The following RIC8B variants were observed in gnomAD, a reference collection of about 807,000 sequenced individuals.
RIC8B encodes the protein chaperone Ric-8B.
In RIC8B, 16 loss-of-function variants were observed where a neutral mutation model predicts 57.5. The observed-to-expected ratio is 0.28, with a 90% CI of 0.19 to 0.42. The LOEUF is 0.42. Among genes scored for constraint, RIC8B ranks in the 10% least tolerant of loss-of-function variants. The pLI is 1.00. For synonymous variants in RIC8B, 216 were observed against 250.8 expected, an observed-to-expected ratio of 0.86 and a Z score of 1.31; for missense variants, 481 against 677.0, an observed-to-expected ratio of 0.71 and a Z score of 3.21.
chr12:106,784,081 G>C, intron 2 of RIC8B, 37 bp downstream of exon 2: 3 of 1,565,416 alleles, frequency 1.9e-6, no homozygotes, highest in South Asian at 1.1e-5. Flanking sequence ...GTTTATGTGT[G>C]TGTGTATTGC....
rs773664245 is a variant in RIC8B at position 106,842,718 on chromosome 12, G to C, written c.966G>C (p.Glu322Asp). 3.7e-6 allele frequency: 6 copies of C among 1,613,910 alleles called. No individual in the cohort carries two copies. The South Asian group carries it at 4.4e-5, about 12-fold the overall frequency. Residue 322 changes from glutamate to aspartate, a missense_variant, in exon 5 of 10, where the codon GAG becomes GAC. Around this residue, in one of 3 missense-constraint regions of RIC8B, gnomAD observed 421 missense variants for 560.9 expected, o/e 0.75. Coordinates refer to ENST00000392837, the MANE Select transcript of RIC8B (RefSeq NM_001330145.2). ...LDELPSNKTA[E>D]KETVLKNNTM... ...AACTGCCCAGTAATAAAACAGCTGAGAAAGAAACAGTTTTGAAAAACAATA... is the reference window on the plus strand; with the variant it reads ...AACTGCCCAGTAATAAAACAGCTGACAAAGAAACAGTTTTGAAAAACAATA...
intron 1 of RIC8B, among the ~76,000 whole-genome samples, chr12:106,780,767 T>G (rs1018685514): frequency 1.3e-5 from 2 of 152,252 alleles, no homozygotes; most frequent in Non-Finnish European, 2.9e-5. Context: ...TGAGTGTATC[T>G]TTAGAAATCT....
intron 8 of RIC8B, among the ~76,000 whole-genome samples, chr12:106,861,549 A>C (rs1274821415): frequency 6.6e-6 from 1 of 151,980 alleles, no homozygotes; most frequent in Admixed American, 6.6e-5. Context: ...TTTTGGGGGA[A>C]AGCTGGCAAT....
intron 7 of RIC8B, among the ~76,000 whole-genome samples, chr12:106,852,716 T>C (rs926572608): frequency 1.3e-5 from 2 of 152,270 alleles, no homozygotes; most frequent in Non-Finnish European, 2.9e-5. Flanking sequence ...TTGGGTCCTG[T>C]CTTTTCTTTC....
intron 8 of RIC8B, among the ~76,000 whole-genome samples, chr12:106,869,728 C>CT (rs1458027454): frequency 3.3e-5 from 5 of 152,146 alleles, no homozygotes; most frequent in African/African-American, 1.2e-4. Context: ...CACTTGAGCT[C>CT]AGGAGTTTGA....
At chr12:106,817,780 G>T (rs955530959) in intron 3 of RIC8B, among the ~76,000 whole-genome samples, 1 of 147,506 alleles carries the variant, frequency 6.8e-6, no homozygotes, top group Non-Finnish European at 1.5e-5. Flanking sequence ...AGCGGAGATC[G>T]CGCCACTGCA....
intron 1 of RIC8B, among the ~76,000 whole-genome samples, chr12:106,781,770 C>A (rs1039890349): frequency 6.6e-5 from 10 of 152,142 alleles, no homozygotes; most frequent in Non-Finnish European, 1.2e-4. Context: ...GTTATATTAA[C>A]AAGTAGGTAC....
intron 6 of RIC8B, among the ~76,000 whole-genome samples, chr12:106,844,851 G>A (rs1949115369): frequency 6.6e-6 from 1 of 151,970 alleles, no homozygotes; most frequent in African/African-American, 2.4e-5. Context: ...AAAAAATAAG[G>A]GTGATTTTTA....
chr12:106,787,791 G>T (rs1321262528), intron 2 of RIC8B, among the ~76,000 whole-genome samples: 2 of 152,128 alleles, frequency 1.3e-5, no homozygotes, highest in Non-Finnish European at 2.9e-5. Flanking sequence ...CACAGTGCGT[G>T]GGAATTACGG....
intron 3 of RIC8B, among the ~76,000 whole-genome samples, chr12:106,821,795 G>A (rs1159706176): frequency 6.6e-6 from 1 of 151,684 alleles, no homozygotes; most frequent in African/African-American, 2.4e-5. Flanking sequence ...TAAGCAAAGG[G>A]CGTTCAGGTG....
intron 1 of RIC8B, among the ~76,000 whole-genome samples, chr12:106,778,826 G>A (rs1275768966): frequency 6.6e-6 from 1 of 152,170 alleles, no homozygotes; most frequent in African/African-American, 2.4e-5. Flanking sequence ...AGGATCTCCT[G>A]TGGATACCAG....
At chr12:106,825,107 C>T (rs530467845) in intron 3 of RIC8B, among the ~76,000 whole-genome samples, 4 of 152,212 alleles carry the variant, frequency 2.6e-5, no homozygotes, top group African/African-American at 9.6e-5. Context: ...CAAGATCTCA[C>T]TAAAAATGAA....
chr12:106,823,362 G>A (rs2045937019), intron 3 of RIC8B: 1 of 447,556 alleles, frequency 2.2e-6, no homozygotes, highest in South Asian at 1.6e-5. Context: ...TAGAGAAATA[G>A]AGCTAATTTA....
chr12:106,858,132 A>AT (rs886680886), intron 7 of RIC8B, among the ~76,000 whole-genome samples: 2 of 152,054 alleles, frequency 1.3e-5, no homozygotes, highest in African/African-American at 4.8e-5. Context: ...TGTTTAACCT[A>AT]TTTTGGCTTT....
intron 4 of RIC8B, among the ~76,000 whole-genome samples, chr12:106,836,178 CCTAA>C (rs967784348): frequency 7.2e-5 from 11 of 152,318 alleles, no homozygotes; most frequent in African/African-American, 2.2e-4. Context: ...TTTCCTCTTA[CCTAA>C]CTAATTGTAA....
intron 7 of RIC8B, among the ~76,000 whole-genome samples, chr12:106,852,458 G>A (rs927102351): frequency 6.6e-6 from 1 of 152,166 alleles, no homozygotes; most frequent in Admixed American, 6.5e-5. Flanking sequence ...CTTCATTTCT[G>A]ATGTATTGAT....
At chr12:106,785,811 CTCTGTGTGTGTGTGTG>C (rs1478169437) in intron 2 of RIC8B, among the ~76,000 whole-genome samples, 1 of 122,260 alleles carries the variant, frequency 8.2e-6, no homozygotes, top group Non-Finnish European at 1.7e-5. Context: ...CTCTCTCTCT[CTCTGTGTGTGTGTGTG>C]TGTGTGTGTG....
At chr12:106,795,096 T>C (rs2044418163) in intron 2 of RIC8B, among the ~76,000 whole-genome samples, 1 of 152,154 alleles carries the variant, frequency 6.6e-6, no homozygotes, top group Non-Finnish European at 1.5e-5. Context: ...AAACCAGAAA[T>C]GATAAATAAG....
At chr12:106,775,637 G>A (rs943975330) in intron 1 of RIC8B, among the ~76,000 whole-genome samples, 2 of 152,196 alleles carry the variant, frequency 1.3e-5, no homozygotes, top group African/African-American at 4.8e-5. Context: ...ACAACTCTGC[G>A]TAAAAGAGTA....
Sources: gnomAD v4.1 joint callset for allele counts (sites outside exome capture counted in the v4.1 genomes callset) on GRCh38, gnomAD v4.1.1 for gene constraint, gnomAD v4.1.1 regional missense constraint, MANE v1.5 for transcripts, NCBI Gene and HGNC (gene_info 2026-07-23, HGNC 2026-07-21) for gene names.